TRAF2: variants seen among roughly 807,000 people sequenced by gnomAD.
The protein encoded by TRAF2 is TNF receptor associated factor 2.
TRAF2 carries 6 observed loss-of-function variants against 55.6 expected under a neutral mutation model. That is an observed-to-expected ratio of 0.11 (90% CI 0.06 to 0.21). The LOEUF is 0.21. Ranked by LOEUF, TRAF2 falls within the 10% of genes least tolerant of loss-of-function variation. TRAF2 has a pLI of 1.00. For missense variants in TRAF2, 561 were observed against 684.5 expected, an observed-to-expected ratio of 0.82 and a Z score of 2.01; for synonymous variants, 329 against 276.3, an observed-to-expected ratio of 1.19 and a Z score of -1.89.
chr9:136,918,227 TTATATATATATATA>T (rs764701854), intron 7 of TRAF2, among the ~76,000 whole-genome samples: 1 of 68,080 alleles, frequency 1.5e-5, no homozygotes, highest in African/African-American at 8.0e-5. Flanking sequence ...AGTGTTTTGT[TTATATATATATATA>T]TATATATATA....
At chr9:136,909,812 G>A (rs1850057510) in intron 5 of TRAF2, 108 bp from the exon 6 acceptor site, 3 of 1,111,044 alleles carry the variant, frequency 2.7e-6, no homozygotes, top group Non-Finnish European at 4.0e-6. Context: ...GGGTGACCAC[G>A]TGCTCCTGCG....
chr9:136,908,847 G>A (rs1200873127), intron 5 of TRAF2, among the ~76,000 whole-genome samples: 1 of 144,322 alleles, frequency 6.9e-6, no homozygotes, highest in Non-Finnish European at 1.5e-5. Flanking sequence ...TCCAGCCCAG[G>A]CGACAGAGCG....
intron 1 of TRAF2, among the ~76,000 whole-genome samples, chr9:136,887,757 G>A (rs993552507): frequency 6.6e-6 from 1 of 152,140 alleles, no homozygotes; most frequent in Non-Finnish European, 1.5e-5. Context: ...CTTCTACCAC[G>A]CTTGCTTCTG....
intron 1 of TRAF2, chr9:136,898,422 C>T (rs1339690951): frequency 1.5e-5 from 3 of 198,330 alleles, no homozygotes; most frequent in Non-Finnish European, 2.7e-5. Context: ...TTGTGCGTGG[C>T]AGGAAGCCCG....
At position 136,921,101 on chromosome 9, in the gene TRAF2, G is replaced by C; in HGVS notation, c.1024G>C (p.Val342Leu). The change falls in exon 9 of 11, where the codon GTC becomes CTC. Residue 342 changes from valine to leucine, a missense_variant. By Grantham distance (32) the Val-to-Leu change is conservative. This residue lies in a region of TRAF2 where 426 missense variants were observed against 476.8 expected (regional missense o/e 0.89). Coordinates refer to ENST00000247668, the MANE Select transcript of TRAF2 (RefSeq NM_021138.4). ...GGCGATGGCTGACTTGGAGCAGAAG[G>C]TCTTGGAGATGGAGGCATCCACCTA... Reference protein sequence around the residue: ...DLAMADLEQKVLEMEASTYDG... With the variant: ...DLAMADLEQKLLEMEASTYDG... 1 of 1,614,104 alleles carries C rather than the reference G, an allele frequency of 6.2e-7. No individual in the cohort carries two copies.
At chr9:136,886,379 G>C (rs1464412670), upstream of TRAF2, 1 of 984,898 alleles carries the variant, frequency 1.0e-6, no homozygotes, top group East Asian at 1.1e-4. Context: ...CGCTCGGAGC[G>C]GGGCGTATCT....
At chr9:136,896,949 G>A (rs1402846727) in intron 1 of TRAF2, among the ~76,000 whole-genome samples, 2 of 152,122 alleles carry the variant, frequency 1.3e-5, no homozygotes, top group Admixed American at 1.3e-4. Flanking sequence ...TGTGCCTGCC[G>A]GGTGACTGCT....
rs765574136 is a variant in TRAF2, at chr9:136,899,646, G to A, written c.241G>A (p.Gly81Ser). The change falls in exon 3 of 11, where the codon GGC becomes AGC. Residue 81 changes from glycine (G) to serine (S), a missense_variant. Transcript: ENST00000247668. ...TGTTCACGAGGGCATATATGAAGAA[G>A]GCATTTCTATTTTAGAAAGCAGTTC... ...ACVHEGIYEE[G>S]ISILESSSAF... 6.2e-7 allele frequency: 1 copy of A among 1,612,998 alleles called. No homozygotes were observed. Among genetic ancestry groups the A allele is most frequent in the South Asian group, 1.1e-5 (1 of 91,044 alleles).
intron 1 of TRAF2, among the ~76,000 whole-genome samples, chr9:136,893,585 C>A (rs541409202): frequency 6.6e-6 from 1 of 152,314 alleles, no homozygotes; most frequent in Non-Finnish European, 1.5e-5. Flanking sequence ...AGGGTTGGCG[C>A]ACCGTCTGGG....
At position 136,922,877 on chromosome 9, in the gene TRAF2, C is replaced by T. The variant is rs535776828; in HGVS notation, c.1139-975C>T. Among the ~76,000 whole-genome samples, 117 of 114,812 alleles carry T rather than the reference C, an allele frequency of 1.0e-3. 6 individuals carry two copies. Among genetic ancestry groups the T allele is most frequent in the Admixed American group, 3.0e-3 (31 of 10,332 alleles). The allele number at this position is 114,812 out of a possible 152,430, so 75.3% of individuals were successfully genotyped here. A position where few individuals can be genotyped will look rare whatever the true frequency, so the allele number is the denominator to read the frequency against. ...GATGGGGAGGATGGGCCTGGGGGCA[C>T]GAGGTGGAGAGGACTAGGACAGGGA... On this transcript the variant is annotated intron_variant, in intron 9 of 10. Coordinates refer to ENST00000247668, the MANE Select transcript of TRAF2 (RefSeq NM_021138.4).
chr9:136,884,186 G>C (rs1849406064), upstream of TRAF2, among the ~76,000 whole-genome samples: 1 of 151,788 alleles, frequency 6.6e-6, no homozygotes, highest in Non-Finnish European at 1.5e-5. Context: ...GACCTCAGGT[G>C]ATCTGCTCGC....
Position 136,916,624 on chromosome 9 carries a change from G to A in TRAF2, c.678+9G>A. On this transcript the variant is annotated intron_variant, in intron 7 of 10. Transcript: ENST00000247668. ...TCGGCTGCCTCGAGACGGTGAGTCG[G>A]GGGGTCTGAGGTTGGGGGCCACCCC... 6.2e-7 allele frequency: 1 copy of A among 1,613,400 alleles called. No individual in the cohort carries two copies. The highest frequency in any genetic ancestry group is 1.1e-5 in the South Asian group (1 of 91,068).
intron 1 of TRAF2, among the ~76,000 whole-genome samples, chr9:136,891,541 G>A (rs1443455342): frequency 6.6e-6 from 1 of 152,008 alleles, no homozygotes; most frequent in African/African-American, 2.4e-5. Flanking sequence ...ACCATGCCTG[G>A]CCCATTTTTG....
At chr9:136,922,725 G>A (rs1850420142) in intron 9 of TRAF2, among the ~76,000 whole-genome samples, 1 of 146,116 alleles carries the variant, frequency 6.8e-6, no homozygotes, top group Admixed American at 6.8e-5. Flanking sequence ...ACGTGGTGGA[G>A]GACGGGGACG....
At chr9:136,886,582 C>CGGGT in intron 1 of TRAF2, 41 bp downstream of exon 1, 1 of 941,384 alleles carries the variant, frequency 1.1e-6, no homozygotes, top group Non-Finnish European at 1.3e-6. Context: ...CGGGCGCGGG[C>CGGGT]GCGGGGTCGG....
chr9:136,909,248 G>A (rs1850039740), intron 5 of TRAF2, among the ~76,000 whole-genome samples: 1 of 14,880 alleles, frequency 6.7e-5, no homozygotes, highest in Admixed American at 3.6e-4. Context: ...CGCCATGTCT[G>A]AGATGCAGCT....
At chr9:136,899,163 GTTAAT>G (rs1849756899) in intron 2 of TRAF2, among the ~76,000 whole-genome samples, 1 of 152,244 alleles carries the variant, frequency 6.6e-6, no homozygotes, top group South Asian at 2.1e-4. Context: ...CGTCATTACA[GTTAAT>G]TTTATCTTTT....
chr9:136,921,890 C>T (rs1468870888), intron 9 of TRAF2, among the ~76,000 whole-genome samples: 4 of 152,182 alleles, frequency 2.6e-5, no homozygotes, highest in African/African-American at 9.6e-5. Flanking sequence ...GACCTTGTGG[C>T]GGCCCCAGCC....
chr9:136,883,147 G>A (rs1849393714), upstream of TRAF2, among the ~76,000 whole-genome samples: 1 of 152,018 alleles, frequency 6.6e-6, no homozygotes, highest in Non-Finnish European at 1.5e-5. Context: ...CGGGATTACA[G>A]GCGTGAGCCA....
Sources: allele counts gnomAD v4.1 joint callset (sites outside exome capture counted in the v4.1 genomes callset), GRCh38; gene constraint gnomAD v4.1.1; regional missense constraint gnomAD v4.1.1; transcripts MANE v1.5; gene names NCBI Gene and HGNC (gene_info 2026-07-23, HGNC 2026-07-21).